The following PKMYT1 variants were observed in gnomAD, a reference collection of about 807,000 sequenced individuals.
PKMYT1 encodes protein kinase, membrane associated tyrosine/threonine 1.
A neutral mutation model predicts 49.7 loss-of-function variants in PKMYT1; 35 were observed. That is an observed-to-expected ratio of 0.70 (90% CI 0.54 to 0.93). The LOEUF is 0.93. Ranked by LOEUF, PKMYT1 falls within the 40% of genes least tolerant of loss-of-function variation. The pLI is 0.00. For missense variants in PKMYT1, 677 were observed against 673.1 expected, an observed-to-expected ratio of 1.01 and a Z score of -0.06; for synonymous variants, 331 against 287.6, an observed-to-expected ratio of 1.15 and a Z score of -1.53.
chr16:2,977,406 C>G, intron 2 of PKMYT1: 7 of 1,015,770 alleles, frequency 6.9e-6, no homozygotes, highest in Non-Finnish European at 8.2e-6. Context: ...CGAGACTACA[C>G]GGGCCCACGA....
intron 4 of PKMYT1, 120 bp downstream of exon 4, chr16:2,975,199 T>C: frequency 8.1e-7 from 1 of 1,237,068 alleles, no homozygotes; most frequent in Non-Finnish European, 1.1e-6. Flanking sequence ...GTCTCAGCCT[T>C]GTGGCTCTGA....
intron 2 of PKMYT1, chr16:2,977,419 C>T (rs1270185423): frequency 9.9e-7 from 1 of 1,009,638 alleles, no homozygotes; most frequent in Non-Finnish European, 1.2e-6. Context: ...GCCCACGATC[C>T]CTTATCTCCA....
chr16:2,975,257 GC>G (rs1007196530), intron 4 of PKMYT1, 61 bp downstream of exon 4: 15 of 1,491,624 alleles, frequency 1.0e-5, no homozygotes, highest in South Asian at 2.6e-5. Context: ...GGGGAATGGA[GC>G]TTCCGTCCCA....
At position 2,973,171 on chromosome 16, in the gene PKMYT1, C is replaced by T. The variant is rs969534351; in HGVS notation, c.1355G>A (p.Ser452Asn). The change falls in exon 8 of 9, where the codon AGC becomes AAC. Residue 452 changes from serine to asparagine, a missense_variant. Physicochemically the swap from Ser to Asn is conservative, Grantham distance 46. Coordinates refer to ENST00000262300, the MANE Select transcript of PKMYT1 (RefSeq NM_004203.5). ...PEAVLARTVG[S>N]TSTPRSRCTP... ...GCACCTGCTCCGGGGGGTGGAGGTG[C>T]TCCCCACAGTCCGGGCCAGGACAGC... 6.1e-5 allele frequency: 93 copies of T among 1,534,832 alleles called. No individual in the cohort carries two copies. The highest frequency in any genetic ancestry group is 7.8e-5 in the Non-Finnish European group (88 of 1,135,184).
chr16:2,973,161 G>A lies in PKMYT1; in HGVS notation c.1365C>T (p.Thr455=), dbSNP rs763376293. Reference sequence around the variant, plus strand: ...ACCTGGGTGTGCACCTGCTCCGGGGGGTGGAGGTGCTCCCCACAGTCCGGG... The same window carrying A: ...ACCTGGGTGTGCACCTGCTCCGGGGAGTGGAGGTGCTCCCCACAGTCCGGG... ...VLARTVGSTS[T]PRSRCTPRDA... The change falls in exon 8 of 9, where the codon ACC becomes ACT. Residue 455 remains threonine (T), a synonymous_variant. Transcript: ENST00000262300. 1.5e-5 allele frequency: 23 copies of A among 1,538,842 alleles called. No individual in the cohort carries two copies. The South Asian group carries it at 2.7e-4, about 18-fold the overall frequency.
At position 2,974,119 on chromosome 16, in the gene PKMYT1, C is replaced by G; in HGVS notation, c.1191G>C (p.Leu397=). 1 of 1,605,168 alleles carries G rather than the reference C, an allele frequency of 6.2e-7. No individual in the cohort carries two copies. ...GCTGTAGCCAGCTGGCAGGGTGAGCCAGCCCATGCCAGAGCCAGCAGAGCA... is the reference window on the plus strand; with the variant it reads ...GCTGTAGCCAGCTGGCAGGGTGAGCGAGCCCATGCCAGAGCCAGCAGAGCA... ...LALLCWLWHG[L]AHPASWLQPL... is the part of the protein sequence containing the mutation. Residue 397 remains leucine (L), a synonymous_variant, in exon 7 of 9, where the codon CTG becomes CTC. Coordinates refer to ENST00000262300, the MANE Select transcript of PKMYT1 (RefSeq NM_004203.5).
chr16:2,973,683 G>T, intron 7 of PKMYT1: 1 of 465,518 alleles, frequency 2.1e-6, no homozygotes. Flanking sequence ...AGACTCCAGA[G>T]GCTTTCTCTT....
chr16:2,975,708 G>T lies in PKMYT1; in HGVS notation c.483C>A (p.His161Gln). Reference protein sequence around the residue: ...RARKLAEVGSHEKVGQHPCCV... With the variant: ...RARKLAEVGSQEKVGQHPCCV... ...AGCATGGGTGCTGCCCCACCTTCTCGTGGCTGCCCACCTCGGCCAACTTGC... is the reference window on the plus strand; with the variant it reads ...AGCATGGGTGCTGCCCCACCTTCTCTTGGCTGCCCACCTCGGCCAACTTGC... The change falls in exon 4 of 9, where the codon CAC (histidine) becomes CAA (glutamine). Residue 161 changes from histidine (H) to glutamine (Q), a missense_variant. Physicochemically the swap from His to Gln is conservative, Grantham distance 24. Coordinates refer to ENST00000262300, the MANE Select transcript of PKMYT1 (RefSeq NM_004203.5). The T allele has an allele frequency of 6.2e-7, 1 of 1,607,678 alleles. No homozygotes were observed.
intron 6 of PKMYT1, 40 bp from the exon 7 acceptor site, chr16:2,974,197 C>G (rs770052735): frequency 8.3e-6 from 13 of 1,564,762 alleles, no homozygotes; most frequent in Non-Finnish European, 1.0e-5. Flanking sequence ...TGGGCGGACC[C>G]CCGGGGCTGG....
Position 2,974,659 on chromosome 16 carries a change from G to T in PKMYT1, c.873-3C>A. On this transcript the variant is annotated splice_region_variant and splice_polypyrimidine_tract_variant and intron_variant, in intron 4 of 8. Coordinates refer to ENST00000262300, the MANE Select transcript of PKMYT1 (RefSeq NM_004203.5). ...CTTCCAGGATGGTGAGGCCCAGACT[G>T]GCAGGGACGGGATGGGGACAGAAAG... The T allele has an allele frequency of 1.3e-6, 2 of 1,548,974 alleles. No homozygotes were observed. Among genetic ancestry groups the T allele is most frequent in the East Asian group, 2.4e-5 (1 of 41,780 alleles).
Position 2,974,343 on chromosome 16 carries a change from C to T in PKMYT1, c.1054G>A (p.Ala352Thr). ...CTCAACACAGGCAGTGCCAGCAGGGCCTCGGCCGTGGCCCGCAGCTTGGGG... is the reference window on the plus strand; with the variant it reads ...CTCAACACAGGCAGTGCCAGCAGGGTCTCGGCCGTGGCCCGCAGCTTGGGG... ...PDPKLRATAEALLALPVLRQP... is the reference protein window; with the variant it reads ...PDPKLRATAETLLALPVLRQP... The change falls in exon 6 of 9, where the codon GCC becomes ACC. Residue 352 changes from alanine (A) to threonine (T), a missense_variant. Physicochemically the swap from Ala to Thr is moderately conservative, Grantham distance 58. Transcript: ENST00000262300. The T allele has an allele frequency of 6.2e-7, 1 of 1,609,320 alleles. No homozygotes were observed. Among genetic ancestry groups the T allele is most frequent in the Non-Finnish European group, 8.5e-7 (1 of 1,178,546 alleles).
Position 2,976,801 on chromosome 16 carries a change from G to A in PKMYT1, c.241C>T (p.Arg81Trp), listed in dbSNP as rs200289802. 245 of 1,575,076 alleles carry A rather than the reference G, an allele frequency of 1.6e-4. 1 individual carries two copies. In the Admixed American group the frequency reaches 3.9e-3, roughly 25 times the overall value. ...TPGWHQLQPR[R>W]VSFRGEASET... ...GAGGCCTCGCCCCGGAATGACACCCGCCGGGGCTGCAGCTGGTGCCAGCCT... is the reference window on the plus strand; with the variant it reads ...GAGGCCTCGCCCCGGAATGACACCCACCGGGGCTGCAGCTGGTGCCAGCCT... Residue 81 changes from arginine to tryptophan, a missense_variant, in exon 3 of 9, where the codon CGG (arginine) becomes TGG (tryptophan). Arg to Trp is a moderately radical substitution (Grantham distance 101). Coordinates refer to ENST00000262300, the MANE Select transcript of PKMYT1 (RefSeq NM_004203.5).
In PKMYT1 at chr16:2,974,057, G is replaced by A. The variant is rs772583127; in HGVS notation, c.1253C>T (p.Pro418Leu). The A allele has an allele frequency of 2.0e-5, 33 of 1,612,358 alleles. No homozygotes were observed. In the South Asian group the frequency reaches 3.3e-4, roughly 16 times the overall value. Reference protein sequence around the residue: ...GPPATPPGSPPCSLLLDSSLS... With the variant: ...GPPATPPGSPLCSLLLDSSLS... The stretch of plus-strand genomic sequence containing the variant: ...GCTGCTGTCCAGGAGCAAACTGCAG[G>A]GTGGTGAGCCAGGCGGGGTGGCTGG... Residue 418 changes from proline to leucine, a missense_variant, in exon 7 of 9, where the codon CCC becomes CTC. Transcript: ENST00000262300.
At position 2,975,395 on chromosome 16, in the gene PKMYT1, C is replaced by T; in HGVS notation, c.796G>A (p.Val266Ile). 6.2e-7 allele frequency: 1 copy of T among 1,613,172 alleles called. No individual in the cohort carries two copies. The highest frequency in any genetic ancestry group is 8.5e-7 in the Non-Finnish European group (1 of 1,179,968). Residue 266 changes from valine to isoleucine, a missense_variant, in exon 4 of 9, where the codon GTC becomes ATC. Coordinates refer to ENST00000262300, the MANE Select transcript of PKMYT1 (RefSeq NM_004203.5). ...ATGTAGCGGGGGTCTCCCTCCTGGA[C>T]CTCACCAGCTCCTGCTGTACCCAGC... ...VELGTAGAGE[V>I]QEGDPRYMAP...
intron 7 of PKMYT1, chr16:2,973,662 C>T: frequency 2.2e-6 from 1 of 445,460 alleles, no homozygotes; most frequent in East Asian, 4.8e-5. Context: ...GTTCCCAGGG[C>T]AGGGCTCCCC....
In PKMYT1 at chr16:2,974,228, C is replaced by G. The variant is rs753263044; in HGVS notation, c.1152+17G>C. ...GCTGGGGAGCAGGGCAGGCAGCCGC[C>G]ACTGTCGGGAGCTTACCTGCCACAG... On this transcript the variant is annotated intron_variant, in intron 6 of 8. Coordinates refer to ENST00000262300, the MANE Select transcript of PKMYT1 (RefSeq NM_004203.5). The G allele has an allele frequency of 6.2e-5, 97 of 1,557,986 alleles. No individual in the cohort carries two copies. Among genetic ancestry groups the G allele is most frequent in the African/African-American group, 9.5e-5 (7 of 73,456 alleles).
chr16:2,979,353 T>A (rs1487407896), intron 2 of PKMYT1: 1 of 326,288 alleles, frequency 3.1e-6, no homozygotes, highest in African/African-American at 2.1e-5. Flanking sequence ...TACATAATAG[T>A]AAATAAAAAA....
intron 7 of PKMYT1, 108 bp downstream of exon 7, chr16:2,973,892 G>A: frequency 1.6e-6 from 2 of 1,245,066 alleles, no homozygotes; most frequent in Non-Finnish European, 2.3e-6. Flanking sequence ...AGGATGTGAT[G>A]GGGGCCAGGT....
In PKMYT1 at chr16:2,974,323, C is replaced by T. The variant is rs952751367; in HGVS notation, c.1074G>A (p.Val358=). The T allele has an allele frequency of 8.7e-6, 14 of 1,604,804 alleles. No individual in the cohort carries two copies. In the Middle Eastern group the frequency reaches 6.6e-4, roughly 76 times the overall value. ...ATAEALLALP[V]LRQPRAWGVL... ...CACCCCAGGCCCGCGGCTGCCTCAA[C>T]ACAGGCAGTGCCAGCAGGGCCTCGG... Residue 358 remains valine, a synonymous_variant, in exon 6 of 9, where the codon GTG becomes GTA. Transcript: ENST00000262300.
Sources: gnomAD v4.1 joint callset for allele counts on GRCh38, gnomAD v4.1.1 for gene constraint, MANE v1.5 for transcripts, NCBI Gene and HGNC (gene_info 2026-07-23, HGNC 2026-07-21) for gene names.